FZD3: variants seen among roughly 807,000 people sequenced by gnomAD.
The protein encoded by FZD3 is frizzled-3.
In FZD3, 30 loss-of-function variants were observed where a neutral mutation model predicts 60.7. The observed-to-expected ratio is 0.49, with a 90% confidence interval of 0.37 to 0.67. FZD3 has a LOEUF of 0.67. Ranked by LOEUF, FZD3 falls within the 30% of genes least tolerant of loss-of-function variation. The pLI, the probability that FZD3 is intolerant of heterozygous loss-of-function variation, is 0.00. For missense variants in FZD3, 605 were observed against 838.7 expected, an observed-to-expected ratio of 0.72 and a Z score of 3.44; for synonymous variants, 246 against 275.2, an observed-to-expected ratio of 0.89 and a Z score of 1.05.
intron 5 of FZD3, among the ~76,000 whole-genome samples, chr8:28,551,384 T>C (rs1169461183): frequency 6.6e-6 from 1 of 152,068 alleles, no homozygotes; most frequent in East Asian, 1.9e-4. Flanking sequence ...CATATTGGCA[T>C]ATACCTGTAA....
chr8:28,524,275 G>A (rs1804661070), intron 4 of FZD3, among the ~76,000 whole-genome samples: 1 of 152,114 alleles, frequency 6.6e-6, no homozygotes, highest in African/African-American at 2.4e-5. Flanking sequence ...AACATCATCT[G>A]ATAGCAGTTT....
intron 5 of FZD3, among the ~76,000 whole-genome samples, chr8:28,537,204 T>G (rs973220732): frequency 4.6e-5 from 7 of 152,204 alleles, no homozygotes; most frequent in African/African-American, 1.7e-4. Flanking sequence ...ACATAGACTA[T>G]TATAGAAATT....
intron 4 of FZD3, among the ~76,000 whole-genome samples, chr8:28,523,577 G>A (rs965007623): frequency 1.1e-4 from 17 of 151,084 alleles, no homozygotes; most frequent in African/African-American, 3.2e-4. Flanking sequence ...TTACATGGGC[G>A]TACCACCATG....
chr8:28,537,110 G>A (rs1289478881), intron 5 of FZD3, among the ~76,000 whole-genome samples: 3 of 152,050 alleles, frequency 2.0e-5, no homozygotes, highest in Non-Finnish European at 4.4e-5. Context: ...TTCTGTAATA[G>A]AGGAAAAGAA....
intron 5 of FZD3, among the ~76,000 whole-genome samples, chr8:28,545,941 A>T (rs1304497841): frequency 6.6e-6 from 1 of 152,154 alleles, no homozygotes; most frequent in Non-Finnish European, 1.5e-5. Context: ...CTGTATTTTT[A>T]TTTTACCCTT....
intron 7 of FZD3, among the ~76,000 whole-genome samples, chr8:28,556,356 T>C (rs1805508398): frequency 6.6e-6 from 1 of 152,226 alleles, no homozygotes; most frequent in Non-Finnish European, 1.5e-5. Context: ...AAAGATAGTG[T>C]AGTCAGTTTG....
intron 4 of FZD3, among the ~76,000 whole-genome samples, chr8:28,525,219 A>G (rs932346693): frequency 2.0e-5 from 3 of 152,226 alleles, no homozygotes; most frequent in African/African-American, 7.2e-5. Flanking sequence ...TAGATGTCGA[A>G]GATGAGCAGT....
chr8:28,559,034 G>A (rs6980605), intron 7 of FZD3, among the ~76,000 whole-genome samples: 80,805 of 151,976 alleles, frequency 0.53, 22,010 homozygotes, highest in South Asian at 0.63. Context: ...CTGCAGGAAA[G>A]AGAAAGGTCA....
chr8:28,550,532 C>T (rs1805388880), intron 5 of FZD3, among the ~76,000 whole-genome samples: 1 of 128,492 alleles, frequency 7.8e-6, no homozygotes, highest in Non-Finnish European at 1.6e-5. Context: ...CATTCTGTTG[C>T]CCAAGCTGGA....
At chr8:28,510,137 T>C (rs1346137352) in intron 3 of FZD3, among the ~76,000 whole-genome samples, 1 of 152,242 alleles carries the variant, frequency 6.6e-6, no homozygotes, top group Non-Finnish European at 1.5e-5. Context: ...TTTTTTGTTT[T>C]TAATAATAGC....
intron 3 of FZD3, among the ~76,000 whole-genome samples, chr8:28,505,617 GC>G (rs1804118131): frequency 1.3e-5 from 2 of 152,314 alleles, no homozygotes; most frequent in Admixed American, 1.3e-4. Flanking sequence ...CTCCCAAAGT[GC>G]TGGATTATAG....
At chr8:28,515,653 A>G (rs971657159) in intron 3 of FZD3, among the ~76,000 whole-genome samples, 7 of 152,130 alleles carry the variant, frequency 4.6e-5, no homozygotes, top group Non-Finnish European at 1.0e-4. Context: ...AAGGTCATAC[A>G]CCAGTAAAAC....
chr8:28,499,454 G>GT lies in FZD3; in HGVS notation c.-390-471dup, dbSNP rs959924558. 1.1e-3 allele frequency among the ~76,000 whole-genome samples: 174 copies of GT among 151,746 alleles called. 1 individual carries two copies. The highest frequency in any genetic ancestry group is 3.8e-3 in the African/African-American group (158 of 41,426). On this transcript the variant is annotated intron_variant, in intron 1 of 7. Coordinates refer to ENST00000240093, the MANE Select transcript of FZD3 (RefSeq NM_017412.4). ...TTTTCAGTTGTTACCAGCTTTTAGGGTTTTTTTTGTTATAAACAGTGTTAC... is the reference window on the plus strand; with the variant it reads ...TTTTCAGTTGTTACCAGCTTTTAGGGTTTTTTTTTGTTATAAACAGTGTTAC...
rs1408983115 is a variant in FZD3, at chr8:28,571,234, C to A, written c.*8223C>A. 6.6e-6 allele frequency: 1 copy of A among 152,126 alleles called. No homozygotes were observed. Among genetic ancestry groups the A allele is most frequent in the East Asian group, 1.9e-4 (1 of 5,198 alleles). The allele number at this position is 152,126 out of a possible 1,614,324, so 9.4% of individuals were successfully genotyped here. A position where few individuals can be genotyped will look rare whatever the true frequency, so the allele number is the denominator to read the frequency against. On this transcript the variant is annotated 3_prime_UTR_variant, in exon 8 of 8. Coordinates refer to ENST00000240093, the MANE Select transcript of FZD3 (RefSeq NM_017412.4). ...CATCCACCATTTTCCTATTTCTCTA[C>A]TCCTCCCATTCTCCATTTTTAAAAG...
intron 5 of FZD3, among the ~76,000 whole-genome samples, chr8:28,551,087 G>T (rs748969161): frequency 2.2e-4 from 33 of 152,014 alleles, no homozygotes; most frequent in Non-Finnish European, 4.4e-4. Context: ...CATCTATCTA[G>T]ATAGATAGAT....
chr8:28,558,826 G>A (rs1412676000), intron 7 of FZD3, among the ~76,000 whole-genome samples: 1 of 152,110 alleles, frequency 6.6e-6, no homozygotes, highest in African/African-American at 2.4e-5. Flanking sequence ...TGGAAGAAAA[G>A]TAAGATGTAA....
chr8:28,553,593 A>T (rs916653142), intron 6 of FZD3, among the ~76,000 whole-genome samples: 1 of 152,152 alleles, frequency 6.6e-6, no homozygotes, highest in African/African-American at 2.4e-5. Flanking sequence ...GTTTGCGGGG[A>T]TACTGGTTGG....
chr8:28,543,262 AAAT>A (rs987161887), intron 5 of FZD3, among the ~76,000 whole-genome samples: 6 of 152,092 alleles, frequency 3.9e-5, no homozygotes, highest in Admixed American at 2.6e-4. Context: ...ACCTCTTTAC[AAAT>A]AATTATTTTT....
chr8:28,531,971 A>G (rs1804887758), intron 5 of FZD3, among the ~76,000 whole-genome samples: 1 of 152,042 alleles, frequency 6.6e-6, no homozygotes, highest in Non-Finnish European at 1.5e-5. Context: ...CAGTTTCTAC[A>G]ATTTGCTTTT....
Sources: gnomAD v4.1 joint callset for allele counts (sites outside exome capture counted in the v4.1 genomes callset) on GRCh38, gnomAD v4.1.1 for gene constraint, MANE v1.5 for transcripts, NCBI Gene and HGNC (gene_info 2026-07-23, HGNC 2026-07-21) for gene names.